Variants in ARID5B observed in about 807,000 individuals in gnomAD.
The protein encoded by ARID5B is AT-rich interactive domain-containing protein 5B.
Under a neutral mutation model 97.2 loss-of-function variants are expected in ARID5B, and 13 were observed. The observed-to-expected ratio is 0.13, with a 90% CI of 0.09 to 0.21. ARID5B has a LOEUF of 0.21. Ranked by LOEUF, ARID5B falls within the 10% of genes least tolerant of loss-of-function variation. The pLI is 1.00. For missense variants in ARID5B, 1,210 were observed against 1,465.3 expected, an observed-to-expected ratio of 0.83 and a Z score of 2.84; for synonymous variants, 556 against 570.3, an observed-to-expected ratio of 0.97 and a Z score of 0.36.
Position 62,095,627 on chromosome 10 carries a change from G to C in ARID5B, c.*2597G>C. ...GACAAATAAAGAGAAATGGGGGTAC[G>C]CATTCCCAACAGAAGCAGTGTGTTA... On this transcript the variant is annotated 3_prime_UTR_variant, in exon 10 of 10. Transcript: ENST00000279873. 4.3e-6 allele frequency: 1 copy of C among 233,218 alleles called. No homozygotes were observed. Among genetic ancestry groups the C allele is most frequent in the African/African-American group, 2.2e-5 (1 of 45,450 alleles). 14.4% of individuals were successfully genotyped at this position (233,218 alleles called of 1,614,324 possible).
intron 4 of ARID5B, among the ~76,000 whole-genome samples, chr10:62,039,301 T>C (rs193144926): frequency 6.6e-6 from 1 of 152,350 alleles, no homozygotes; most frequent in Non-Finnish European, 1.5e-5. Flanking sequence ...TACAGTAGAA[T>C]GTATGATATT....
intron 8 of ARID5B, among the ~76,000 whole-genome samples, chr10:62,074,819 T>C (rs1840107016): frequency 6.6e-6 from 1 of 152,226 alleles, no homozygotes; most frequent in African/African-American, 2.4e-5. Context: ...CATGAACTGT[T>C]TTCTACTAGC....
chr10:61,902,172 C>A lies in ARID5B; in HGVS notation c.35C>A (p.Pro12Gln), dbSNP rs1336394649. The change falls in exon 2 of 10, where the codon CCG becomes CAG. Residue 12 changes from proline to glutamine, a missense_variant. By Grantham distance (76) the Pro-to-Gln change is moderately conservative. Transcript: ENST00000279873. ...EPNSLQWVGS[P>Q]CGLHGPYIFY... is the part of the protein sequence containing the mutation. ...CCCCCCCTGCAGTGGGTCGGCTCAC[C>A]GTGTGGCTTGCACGGACCTTACATT... The A allele has an allele frequency of 1.9e-6, 3 of 1,612,598 alleles. No homozygotes were observed. The highest frequency in any genetic ancestry group is 2.5e-6 in the Non-Finnish European group (3 of 1,179,932).
intron 3 of ARID5B, among the ~76,000 whole-genome samples, chr10:61,971,148 T>C (rs2132833883): frequency 6.6e-6 from 1 of 152,352 alleles, no homozygotes; most frequent in South Asian, 2.1e-4. Context: ...TTTACTTTAA[T>C]GGGCAAAAGC....
chr10:61,967,408 G>A (rs555123269), intron 3 of ARID5B, among the ~76,000 whole-genome samples: 12 of 152,336 alleles, frequency 7.9e-5, no homozygotes, highest in African/African-American at 2.4e-4. Flanking sequence ...TTGGCCGTTA[G>A]TGAATCATAT....
At chr10:61,924,876 G>GATGTACCTGGGCAGAAGGTC (rs934243741) in intron 2 of ARID5B, among the ~76,000 whole-genome samples, 121 of 152,238 alleles carry the variant, frequency 7.9e-4, no homozygotes, top group African/African-American at 2.7e-3. Flanking sequence ...TCTGCTGGAT[G>GATGTACCTGGGCAGAAGGTC]ATGTACCTGG....
chr10:62,032,985 C>T (rs986829609), intron 4 of ARID5B, among the ~76,000 whole-genome samples: 1 of 152,180 alleles, frequency 6.6e-6, no homozygotes, highest in Non-Finnish European at 1.5e-5. Context: ...CTTCAACCCT[C>T]TATGGGGCCC....
intron 5 of ARID5B, among the ~76,000 whole-genome samples, chr10:62,053,112 G>T (rs1358287564): frequency 6.6e-6 from 1 of 152,202 alleles, no homozygotes. Context: ...TCTTAACATG[G>T]TCTTTTCTCA....
chr10:61,983,860 T>G (rs1414823286), intron 3 of ARID5B, among the ~76,000 whole-genome samples: 3 of 67,472 alleles, frequency 4.4e-5, no homozygotes, highest in African/African-American at 1.1e-4. Context: ...TTAAACCCCC[T>G]TTTGTTCTTT....
At chr10:61,976,154 C>G (rs1349325435) in intron 3 of ARID5B, among the ~76,000 whole-genome samples, 1 of 152,202 alleles carries the variant, frequency 6.6e-6, no homozygotes, top group African/African-American at 2.4e-5. Context: ...TATTTTGTAT[C>G]TCTGTTCTGT....
At chr10:61,969,162 C>T (rs549416112) in intron 3 of ARID5B, among the ~76,000 whole-genome samples, 2 of 152,120 alleles carry the variant, frequency 1.3e-5, no homozygotes, top group South Asian at 2.1e-4. Context: ...TACCCTCCCC[C>T]CCAAATAAAG....
intron 4 of ARID5B, among the ~76,000 whole-genome samples, chr10:62,025,592 C>G (rs372583327): frequency 1.3e-5 from 2 of 152,102 alleles, no homozygotes; most frequent in Non-Finnish European, 2.9e-5. Context: ...AGATGACCTA[C>G]GTTTGTGTGC....
chr10:61,993,732 T>C (rs1006449118), intron 3 of ARID5B, among the ~76,000 whole-genome samples: 1 of 152,222 alleles, frequency 6.6e-6, no homozygotes, highest in African/African-American at 2.4e-5. Context: ...AACTTCAATA[T>C]AATTGTCAAT....
At position 62,092,929 on chromosome 10, in the gene ARID5B, G is replaced by T. The variant is rs779001361; in HGVS notation, c.3466G>T (p.Asp1156Tyr). 6.2e-7 allele frequency: 1 copy of T among 1,614,030 alleles called. No homozygotes were observed. Among genetic ancestry groups the T allele is most frequent in the Non-Finnish European group, 8.5e-7 (1 of 1,180,026 alleles). Reference sequence around the variant, plus strand: ...TACACCTGTAGGAAGTTCATATGGGGACCTTTTGCATAACAGCATTTACCC... The same window carrying T: ...TACACCTGTAGGAAGTTCATATGGGTACCTTTTGCATAACAGCATTTACCC... Reference protein sequence around the residue: ...AATPVGSSYGDLLHNSIYPLA... With the variant: ...AATPVGSSYGYLLHNSIYPLA... Residue 1156 changes from aspartate to tyrosine, a missense_variant, in exon 10 of 10, where the codon GAC becomes TAC. Around this residue, in one of 8 missense-constraint regions of ARID5B, gnomAD observed 54 missense variants for 67.4 expected, o/e 0.80. Transcript: ENST00000279873.
intron 2 of ARID5B, among the ~76,000 whole-genome samples, chr10:61,917,370 AG>A (rs1359517454): frequency 6.6e-6 from 1 of 152,102 alleles, no homozygotes; most frequent in Non-Finnish European, 1.5e-5. Flanking sequence ...TCTGTCGCCC[AG>A]GCTGGAGTGC....
At chr10:62,049,280 C>A in intron 4 of ARID5B, 1 of 1,449,782 alleles carries the variant, frequency 6.9e-7, no homozygotes, top group Non-Finnish European at 9.1e-7. Flanking sequence ...CGGTGCTAGT[C>A]ACTGCTGTGT....
chr10:62,088,565 C>G lies in ARID5B; in HGVS notation c.1399-2297C>G, dbSNP rs150543846. Among the ~76,000 whole-genome samples the G allele has an allele frequency of 5.3e-5, 8 of 152,216 alleles. No individual in the cohort carries two copies. The East Asian group carries it at 1.5e-3, about 29-fold the overall frequency. ...GTGTTTCCTGTAGGCTGCAACTGTT[C>G]CCTTCAGGGAGCTGTAAGTGTCTCA... is the stretch of plus-strand genomic sequence containing the variant. On this transcript the variant is annotated intron_variant, in intron 9 of 9. Transcript: ENST00000279873.
intron 3 of ARID5B, among the ~76,000 whole-genome samples, chr10:61,988,528 T>C (rs929298948): frequency 2.0e-5 from 3 of 152,208 alleles, no homozygotes; most frequent in Non-Finnish European, 4.4e-5. Flanking sequence ...TAACTATACT[T>C]GCTAACTTTG....
rs1840386477 is a variant in ARID5B at position 62,092,101 on chromosome 10, C to T, written c.2638C>T (p.His880Tyr). The T allele has an allele frequency of 7.4e-6, 12 of 1,612,792 alleles. No individual in the cohort carries two copies. The highest frequency in any genetic ancestry group is 9.3e-6 in the Non-Finnish European group (11 of 1,179,614). Residue 880 changes from histidine to tyrosine, a missense_variant, in exon 10 of 10, where the codon CAT becomes TAT. By Grantham distance (83) the His-to-Tyr change is moderately conservative. Transcript: ENST00000279873. ...FPSHRHQEKL[H>Y]VNYLTSLHLQ... The stretch of plus-strand genomic sequence containing the variant: ...TTCCCACAGACACCAAGAAAAGCTC[C>T]ATGTAAATTATCTCACGTCCCTGCA...
Sources: allele counts gnomAD v4.1 joint callset (sites outside exome capture counted in the v4.1 genomes callset), GRCh38; gene constraint gnomAD v4.1.1; regional missense constraint gnomAD v4.1.1; transcripts MANE v1.5; gene names NCBI Gene and HGNC (gene_info 2026-07-23, HGNC 2026-07-21).